Variants in SLC13A4 observed in about 807,000 individuals in gnomAD.
SLC13A4 encodes the protein solute carrier family 13 member 4, also known as Na(+)/sulfate cotransporter SUT-1.
In SLC13A4, 28 loss-of-function variants were observed where a neutral mutation model predicts 72.7. The observed-to-expected ratio is 0.39, with a 90% CI of 0.29 to 0.53. The LOEUF (loss-of-function observed/expected upper bound fraction) is 0.53. Ranked by LOEUF, SLC13A4 falls within the 20% of genes least tolerant of loss-of-function variation. SLC13A4 has a pLI of 0.78. For synonymous variants in SLC13A4, 312 were observed against 325.5 expected, an observed-to-expected ratio of 0.96 and a Z score of 0.45; for missense variants, 653 against 788.0, an observed-to-expected ratio of 0.83 and a Z score of 2.05.
intron 2 of SLC13A4, among the ~76,000 whole-genome samples, chr7:135,712,488 G>C (rs1031122570): frequency 6.7e-6 from 1 of 149,462 alleles, no homozygotes; most frequent in African/African-American, 2.5e-5. Flanking sequence ...AAGGAAGGAA[G>C]GTTATGTGAG....
intron 1 of SLC13A4, among the ~76,000 whole-genome samples, 191 bp downstream of exon 1, chr7:135,727,207 A>T (rs1035977558): frequency 6.6e-6 from 1 of 152,158 alleles, no homozygotes; most frequent in African/African-American, 2.4e-5. Flanking sequence ...TGGGACTGGG[A>T]TAGGAGATGA....
At chr7:135,692,064 TCATAA>T in intron 11 of SLC13A4, 1 of 497,484 alleles carries the variant, frequency 2.0e-6, no homozygotes, top group Non-Finnish European at 3.5e-6. Context: ...CCTTTAACTT[TCATAA>T]CCACCTATGA....
At position 135,712,756 on chromosome 7, in the gene SLC13A4, AT is replaced by A. The variant is rs553857921; in HGVS notation, c.229-4507del. ...TGTTTATTAGTTTTCTAGCCCATTG[AT>A]TTTTCTTTCACAATAACACCTGGGT... is the stretch of plus-strand genomic sequence containing the variant. On this transcript the variant is annotated intron_variant, in intron 2 of 15. Transcript: ENST00000682651. 4.3e-3 allele frequency among the ~76,000 whole-genome samples: 662 copies of A among 152,222 alleles called. 2 individuals carry two copies. The highest frequency in any genetic ancestry group is 0.015 in the African/African-American group (629 of 41,554).
rs1017657647 is a variant in SLC13A4, at chr7:135,681,259, T to A, written c.*304A>T. On this transcript the variant is annotated 3_prime_UTR_variant, in exon 16 of 16. Transcript: ENST00000682651. Reference sequence around the variant, plus strand: ...AGGTTTTCTTTGTCTTCTTTTTTTTTAATTTAATTTTTATTTTCTTTTTCT... The same window carrying A: ...AGGTTTTCTTTGTCTTCTTTTTTTTAAATTTAATTTTTATTTTCTTTTTCT... The A allele has an allele frequency of 1.2e-5, 3 of 249,760 alleles. No individual in the cohort carries two copies. The highest frequency in any genetic ancestry group is 7.3e-5 in the East Asian group (1 of 13,644). 15.5% of individuals were successfully genotyped at this position (249,760 alleles called of 1,614,324 possible).
intron 7 of SLC13A4, among the ~76,000 whole-genome samples, 178 bp downstream of exon 7, chr7:135,701,502 C>A (rs1796033971): frequency 6.6e-6 from 1 of 152,206 alleles, no homozygotes; most frequent in African/African-American, 2.4e-5. Flanking sequence ...TTGCTACAGT[C>A]AAGTGAGCTT....
intron 2 of SLC13A4, among the ~76,000 whole-genome samples, chr7:135,708,855 C>A (rs949539337): frequency 2.0e-5 from 3 of 150,358 alleles, no homozygotes; most frequent in African/African-American, 7.3e-5. Flanking sequence ...TTATATCTTG[C>A]CTTTTTTTCA....
chr7:135,701,966 G>T lies in SLC13A4; in HGVS notation c.634-206C>A, dbSNP rs1038901856. On this transcript the variant is annotated intron_variant, in intron 6 of 15. Coordinates refer to ENST00000682651, the MANE Select transcript of SLC13A4 (RefSeq NM_001318192.2). ...GGTGTCAAGTTCTCCACTTGAAGAG[G>T]CTTTGAAACTAGGCAGAACATGGCT... The T allele has an allele frequency of 1.8e-5, 9 of 503,686 alleles. No homozygotes were observed. The African/African-American group carries it at 1.8e-4, about 10-fold the overall frequency. 31.2% of individuals were successfully genotyped at this position (503,686 alleles called of 1,614,324 possible).
At chr7:135,720,259 GGTGTA>G (rs1376291357) in intron 2 of SLC13A4, among the ~76,000 whole-genome samples, 1 of 152,078 alleles carries the variant, frequency 6.6e-6, no homozygotes, top group Non-Finnish European at 1.5e-5. Context: ...TTTTTCTTAT[GGTGTA>G]GTGATCAAGT....
chr7:135,688,111 G>T (rs1055090560), intron 13 of SLC13A4, among the ~76,000 whole-genome samples: 2 of 152,072 alleles, frequency 1.3e-5, no homozygotes, highest in African/African-American at 4.8e-5. Flanking sequence ...AAGTAGCTGG[G>T]ATTACAGGCG....
chr7:135,709,425 TAAAAAA>T lies in SLC13A4; in HGVS notation c.229-1181_229-1176del, dbSNP rs67676992. On this transcript the variant is annotated intron_variant, in intron 2 of 15. Transcript: ENST00000682651. ...TATTTTCCTTTCTTTCTTTTTTTTT[TAAAAAA>T]AAATTTGAGACAGGGTCTCACTCTG... Among the ~76,000 whole-genome samples the T allele has an allele frequency of 7.5e-3, 1,113 of 147,446 alleles. 10 individuals carry two copies. Among genetic ancestry groups the T allele is most frequent in the Middle Eastern group, 0.018 (5 of 282 alleles).
At chr7:135,720,245 A>G (rs1024187929) in intron 2 of SLC13A4, among the ~76,000 whole-genome samples, 63 of 152,108 alleles carry the variant, frequency 4.1e-4, no homozygotes, top group Non-Finnish European at 3.4e-4. Flanking sequence ...CACTTTATGG[A>G]GTCTTTTTCT....
Position 135,706,206 on chromosome 7 carries a change from C to T in SLC13A4, c.460G>A (p.Val154Met), listed in dbSNP as rs563780393. The T allele has an allele frequency of 6.2e-6, 10 of 1,613,980 alleles. No homozygotes were observed. The highest frequency in any genetic ancestry group is 3.3e-5 in the Admixed American group (2 of 60,024). Reference sequence around the variant, plus strand: ...TCAGCACTGACCAGCTCCTGCAGCACGGCCTCCACGATGGGCATCACCATG... The same window carrying T: ...TCAGCACTGACCAGCTCCTGCAGCATGGCCTCCACGATGGGCATCACCATG... ...TAMVMPIVEAVLQELVSAEDE... is the reference protein window; with the variant it reads ...TAMVMPIVEAMLQELVSAEDE... Residue 154 changes from valine (V) to methionine (M), a missense_variant, in exon 4 of 16, where the codon GTG becomes ATG. Coordinates refer to ENST00000682651, the MANE Select transcript of SLC13A4 (RefSeq NM_001318192.2).
intron 8 of SLC13A4, among the ~76,000 whole-genome samples, chr7:135,697,615 G>T (rs1404858241): frequency 9.5e-5 from 13 of 136,196 alleles, no homozygotes; most frequent in African/African-American, 3.6e-4. Context: ...TTTTCATCCA[G>T]AATGAGTTTT....
In SLC13A4 at chr7:135,684,229, G is replaced by T. The variant is rs747213453; in HGVS notation, c.1641C>A (p.Thr547=). The T allele has an allele frequency of 7.4e-6, 12 of 1,611,794 alleles. No individual in the cohort carries two copies. Among genetic ancestry groups the T allele is most frequent in the Non-Finnish European group, 1.0e-5 (12 of 1,178,744 alleles). Residue 547 remains threonine, a synonymous_variant, in exon 15 of 16, where the codon ACC becomes ACA. Coordinates refer to ENST00000682651, the MANE Select transcript of SLC13A4 (RefSeq NM_001318192.2). ...SETLHINPLY[T]LIPVTMCISF... ...AGATGCACATGGTGACTGGGATCAG[G>T]GTGTAGAGGGGGTTAATGTGCAGCG...
At chr7:135,687,256 CT>C (rs1293345591) in intron 13 of SLC13A4, among the ~76,000 whole-genome samples, 1 of 152,104 alleles carries the variant, frequency 6.6e-6, no homozygotes, top group Non-Finnish European at 1.5e-5. Context: ...CAGGCTCTGC[CT>C]TTTCCCATGG....
chr7:135,683,847 CT>C, intron 15 of SLC13A4: 2 of 920,792 alleles, frequency 2.2e-6, no homozygotes, highest in Non-Finnish European at 2.6e-6. Flanking sequence ...AGGCTCATGC[CT>C]TCTGGAACTG....
chr7:135,691,874 T>C (rs1285675113), intron 11 of SLC13A4: 1 of 482,998 alleles, frequency 2.1e-6, no homozygotes, highest in Non-Finnish European at 3.7e-6. Context: ...TAATGTGAAT[T>C]TGTGAGCCCG....
chr7:135,708,285 G>C (rs1336341212), intron 2 of SLC13A4, 35 bp from the exon 3 acceptor site: 1 of 1,612,860 alleles, frequency 6.2e-7, no homozygotes, highest in Admixed American at 1.7e-5. Flanking sequence ...TCACCCTCCC[G>C]GACCAAAGAC....
chr7:135,702,386 A>AT lies in SLC13A4; in HGVS notation c.633+458dup, dbSNP rs1250147444. 3.2e-5 allele frequency: 5 copies of AT among 156,408 alleles called. 1 individual carries two copies. The highest frequency in any genetic ancestry group is 1.2e-4 in the African/African-American group (5 of 41,492). 9.7% of individuals were successfully genotyped at this position (156,408 alleles called of 1,614,324 possible). On this transcript the variant is annotated intron_variant, in intron 6 of 15. Transcript: ENST00000682651. ...GTTCTTTTTATTTTTATTTATTTTT[A>AT]TTTTTTGAGATGGGGGTCTCGCTCT...
Sources: gnomAD v4.1 joint callset for allele counts (sites outside exome capture counted in the v4.1 genomes callset) on GRCh38, gnomAD v4.1.1 for gene constraint, MANE v1.5 for transcripts, NCBI Gene and HGNC (gene_info 2026-07-23, HGNC 2026-07-21) for gene names.